The following CPNE5 variants were observed in gnomAD, a reference collection of about 807,000 sequenced individuals.
CPNE5 encodes copine 5, also known as copine-5.
CPNE5 carries 42 observed loss-of-function variants against 81.1 expected under a neutral mutation model. That is an observed-to-expected ratio of 0.52 (90% confidence interval 0.40 to 0.67). The LOEUF is 0.67. CPNE5 is among the 30% of genes least tolerant of loss of function. The pLI is 0.00. For synonymous variants in CPNE5, 313 were observed against 321.5 expected (o/e 0.97, Z 0.28); for missense variants, 612 against 815.5 (o/e 0.75, Z 3.04).
At position 36,741,875 on chromosome 6, in the gene CPNE5, T is replaced by C. The variant is rs1040200856; in HGVS notation, c.*393A>G. 5.5e-5 allele frequency: 11 copies of C among 199,018 alleles called. No individual in the cohort carries two copies. The highest frequency in any genetic ancestry group is 1.0e-4 in the Non-Finnish European group (10 of 98,280). The allele number at this position is 199,018 out of a possible 1,614,324, so 12.3% of individuals were successfully genotyped here. On this transcript the variant is annotated 3_prime_UTR_variant, in exon 21 of 21. Coordinates refer to ENST00000244751, the MANE Select transcript of CPNE5 (RefSeq NM_020939.2). ...GACAGGAGTAGACACCATGGGAGGA[T>C]GGGACGGAGATGGGGGGCTGGAGGA...
intron 8 of CPNE5, among the ~76,000 whole-genome samples, chr6:36,790,629 C>G (rs1217245231): frequency 6.6e-6 from 1 of 152,184 alleles, no homozygotes; most frequent in Non-Finnish European, 1.5e-5. Context: ...TGGAGTCTCG[C>G]TCTGTCGCCC....
At position 36,762,907 on chromosome 6, in the gene CPNE5, C is replaced by T. The variant is rs1424527744; in HGVS notation, c.855+10G>A. The T allele has an allele frequency of 1.2e-6, 2 of 1,613,114 alleles. No homozygotes were observed. The highest frequency in any genetic ancestry group is 2.2e-5 in the South Asian group (2 of 91,064). ...TAGTGCAAACCCTGGATTTCGGGTG[C>T]CCACCTCACCTCATAGATGTTGAAT... On this transcript the variant is annotated intron_variant, in intron 12 of 20. Coordinates refer to ENST00000244751, the MANE Select transcript of CPNE5 (RefSeq NM_020939.2).
intron 13 of CPNE5, among the ~76,000 whole-genome samples, chr6:36,753,613 T>A (rs1765080904): frequency 6.6e-6 from 1 of 152,198 alleles, no homozygotes; most frequent in South Asian, 2.1e-4. Context: ...TTATCTTAAA[T>A]CTTACTGGTC....
chr6:36,801,997 G>T (rs1373984156), intron 3 of CPNE5, among the ~76,000 whole-genome samples: 4 of 152,068 alleles, frequency 2.6e-5, no homozygotes, highest in Non-Finnish European at 5.9e-5. Flanking sequence ...GAGGTGGGCG[G>T]ATCACGAGGT....
intron 9 of CPNE5, among the ~76,000 whole-genome samples, chr6:36,776,243 G>T (rs1441414986): frequency 6.6e-6 from 1 of 152,196 alleles, no homozygotes; most frequent in Non-Finnish European, 1.5e-5. Context: ...TGGTTAGAAA[G>T]GTCACCCAAA....
chr6:36,839,437 G>C lies in CPNE5; in HGVS notation c.-60C>G. On this transcript the variant is annotated 5_prime_UTR_variant, in exon 1 of 21. Transcript: ENST00000244751. The surrounding 1 kb of genome is among the most constrained non-coding windows in gnomAD (Gnocchi z 7.3). ...CCCTGCGCGATTCACGCCTCCTCCGGAGCGACTGGAGCCCTGGGCTCTCCC... is the reference window on the plus strand; with the variant it reads ...CCCTGCGCGATTCACGCCTCCTCCGCAGCGACTGGAGCCCTGGGCTCTCCC... The C allele has an allele frequency of 7.2e-7, 1 of 1,384,290 alleles. No individual in the cohort carries two copies. Among genetic ancestry groups the C allele is most frequent in the Non-Finnish European group, 9.8e-7 (1 of 1,015,312 alleles). The allele number at this position is 1,384,290 out of a possible 1,614,324, so 85.8% of individuals were successfully genotyped here. A position where few individuals can be genotyped will look rare whatever the true frequency, so the allele number is the denominator to read the frequency against.
chr6:36,784,222 A>G (rs1176255732), intron 8 of CPNE5, among the ~76,000 whole-genome samples: 2 of 152,086 alleles, frequency 1.3e-5, no homozygotes, highest in African/African-American at 4.8e-5. Context: ...CCCTAATACA[A>G]TCTAGACCCA....
At chr6:36,798,749 T>C (rs529424316) in intron 4 of CPNE5, among the ~76,000 whole-genome samples, 3 of 152,160 alleles carry the variant, frequency 2.0e-5, no homozygotes, top group Non-Finnish European at 4.4e-5. Context: ...CAAAGATTTA[T>C]GCGCTTCACT....
chr6:36,742,304 G>T lies in CPNE5; in HGVS notation c.1746C>A (p.Arg582=). The T allele has an allele frequency of 6.2e-7, 1 of 1,605,732 alleles. No individual in the cohort carries two copies. The highest frequency in any genetic ancestry group is 2.2e-5 in the East Asian group (1 of 44,812). The stretch of plus-strand genomic sequence containing the variant: ...TGTGCAGGGGGGACGCAGGGGGCGT[G>T]CGGGCTGGGGACTGCGAGGGCGAGT... ...PTHSPSQSPA[R]TPPASPLHTH... The change falls in exon 21 of 21, where the codon CGC becomes CGA. Residue 582 remains arginine, a synonymous_variant. Transcript: ENST00000244751.
At chr6:36,772,705 C>G (rs548743073) in intron 10 of CPNE5, among the ~76,000 whole-genome samples, 2 of 152,368 alleles carry the variant, frequency 1.3e-5, no homozygotes, top group African/African-American at 4.8e-5. Flanking sequence ...ATGTCTCAAA[C>G]TGGCAGCCTG....
chr6:36,763,022 G>C, intron 11 of CPNE5, 30 bp from the exon 12 acceptor site: 1 of 1,602,686 alleles, frequency 6.2e-7, no homozygotes, highest in Non-Finnish European at 8.5e-7. Context: ...CTGAGACCAA[G>C]GCCAGGCTGT....
chr6:36,815,969 A>T (rs543225408), intron 3 of CPNE5, among the ~76,000 whole-genome samples: 1 of 152,332 alleles, frequency 6.6e-6, no homozygotes, highest in East Asian at 1.9e-4. Context: ...AGGGATCTCC[A>T]TACCCACTTT....
At chr6:36,763,024 C>T (rs1766203879) in intron 11 of CPNE5, 32 bp from the exon 12 acceptor site, 1 of 1,592,550 alleles carries the variant, frequency 6.3e-7, no homozygotes, top group South Asian at 1.1e-5. Flanking sequence ...GAGACCAAGG[C>T]CAGGCTGTGC....
intron 13 of CPNE5, chr6:36,755,908 A>G: frequency 2.7e-6 from 1 of 368,672 alleles, no homozygotes; most frequent in Non-Finnish European, 4.9e-6. Context: ...TCTCAGGGCA[A>G]CAACCTGTGA....
At chr6:36,826,770 C>A (rs1772538193) in intron 1 of CPNE5, among the ~76,000 whole-genome samples, 1 of 152,220 alleles carries the variant, frequency 6.6e-6, no homozygotes, top group African/African-American at 2.4e-5. Flanking sequence ...CACGGTCAAG[C>A]TCAGGGACGG....
intron 13 of CPNE5, chr6:36,754,705 C>G (rs1765236151): frequency 1.3e-5 from 2 of 152,262 alleles, no homozygotes; most frequent in Non-Finnish European, 2.9e-5. Context: ...AAATCGCATG[C>G]CCTCTCTAGG....
intron 12 of CPNE5, chr6:36,757,342 C>T: frequency 1.0e-6 from 1 of 985,420 alleles, no homozygotes; most frequent in Non-Finnish European, 1.2e-6. Flanking sequence ...TGTCTTTGTT[C>T]CCACAGAGGC....
rs575500636 is a variant in CPNE5, at chr6:36,752,947, C to A, written c.971+87G>T. On this transcript the variant is annotated intron_variant, in intron 14 of 20. Coordinates refer to ENST00000244751, the MANE Select transcript of CPNE5 (RefSeq NM_020939.2). ...CCTTCAACCAGGGCTTTGAAGAGGC[C>A]AGGGTGGGGCCAGAGCCGGTCCTGT... 3.6e-6 allele frequency: 4 copies of A among 1,120,700 alleles called. No individual in the cohort carries two copies. In the South Asian group the frequency reaches 5.1e-5, roughly 14 times the overall value. The allele number at this position is 1,120,700 out of a possible 1,614,324, so 69.4% of individuals were successfully genotyped here.
chr6:36,763,374 G>A (rs182222042), intron 11 of CPNE5, among the ~76,000 whole-genome samples: 7 of 152,244 alleles, frequency 4.6e-5, no homozygotes, highest in African/African-American at 1.4e-4. Context: ...AGGCCAAGGC[G>A]GGCAGATCAC....
Sources: allele counts gnomAD v4.1 joint callset (sites outside exome capture counted in the v4.1 genomes callset), GRCh38; gene constraint gnomAD v4.1.1; non-coding constraint Gnocchi (gnomAD v3.1); transcripts MANE v1.5; gene names NCBI Gene and HGNC (gene_info 2026-07-23, HGNC 2026-07-21).